Variants in TGM5 observed in about 807,000 individuals in gnomAD.
TGM5 encodes transglutaminase 5, also known as protein-glutamine gamma-glutamyltransferase 5.
TGM5 carries 69 observed loss-of-function variants against 77.2 expected under a neutral mutation model. That is an observed-to-expected ratio of 0.89 (90% CI 0.74 to 1.09). TGM5 has a LOEUF of 1.09. Among genes scored for constraint, TGM5 ranks in the 50% least tolerant of loss-of-function variants. TGM5 has a pLI of 0.00. For synonymous variants in TGM5, 346 were observed against 351.8 expected, an observed-to-expected ratio of 0.98 and a Z score of 0.18; for missense variants, 842 against 896.5, an observed-to-expected ratio of 0.94 and a Z score of 0.78.
At chr15:43,252,993 G>A (rs2042716724) in intron 5 of TGM5, 57 bp from the exon 6 acceptor site, 4 of 1,586,100 alleles carry the variant, frequency 2.5e-6, no homozygotes, top group Non-Finnish European at 3.4e-6. Context: ...AACATGCCAT[G>A]TGTGGGCTGC....
intron 3 of TGM5, among the ~76,000 whole-genome samples, chr15:43,257,265 A>G (rs1206894054): frequency 3.9e-5 from 6 of 152,230 alleles, no homozygotes; most frequent in Admixed American, 3.9e-4. Context: ...GAGTAGTTAG[A>G]TAGCTTCAAT....
chr15:43,264,069 A>G (rs1375712490), intron 1 of TGM5, among the ~76,000 whole-genome samples: 1 of 152,228 alleles, frequency 6.6e-6, no homozygotes, highest in African/African-American at 2.4e-5. Flanking sequence ...AAGATGCTCA[A>G]CATCATTAGT....
intron 6 of TGM5, among the ~76,000 whole-genome samples, chr15:43,248,963 G>A (rs569583804): frequency 5.9e-5 from 9 of 152,326 alleles, no homozygotes; most frequent in African/African-American, 1.9e-4. Context: ...AGGATTTGAT[G>A]TATAAAAGAC....
intron 3 of TGM5, among the ~76,000 whole-genome samples, chr15:43,257,444 G>C (rs891188141): frequency 2.0e-5 from 3 of 152,176 alleles, no homozygotes; most frequent in East Asian, 1.9e-4. Flanking sequence ...ATGAACAGAG[G>C]GTTTTGAAGC....
At chr15:43,256,841 C>T (rs758308902) in intron 3 of TGM5, among the ~76,000 whole-genome samples, 155 bp from the exon 4 acceptor site, 2 of 151,966 alleles carry the variant, frequency 1.3e-5, no homozygotes, top group Non-Finnish European at 2.9e-5. Flanking sequence ...GGAGTCCATG[C>T]TCCCAACACC....
At position 43,239,313 on chromosome 15, in the gene TGM5, T is replaced by C. The variant is rs750402546; in HGVS notation, c.1002-47A>G. The C allele has an allele frequency of 7.0e-6, 11 of 1,580,638 alleles. No individual in the cohort carries two copies. The Admixed American group carries it at 1.8e-4, about 26-fold the overall frequency. On this transcript the variant is annotated intron_variant, in intron 7 of 12. Transcript: ENST00000220420. ...GAGACGTTGTACTGCTTGGTCTTTC[T>C]AGAACAAGGCAAGGGAGGGATGAGC...
chr15:43,242,554 T>A (rs1466408964), intron 6 of TGM5, among the ~76,000 whole-genome samples: 1 of 152,214 alleles, frequency 6.6e-6, no homozygotes, highest in Non-Finnish European at 1.5e-5. Context: ...TCTTAAAAGT[T>A]TATAATTTTT....
chr15:43,261,097 T>TTTTTTTTTTTTTTTG, intron 1 of TGM5, among the ~76,000 whole-genome samples: 1 of 97,460 alleles, frequency 1.0e-5, no homozygotes, highest in African/African-American at 5.1e-5. Flanking sequence ...TTTTTTTTTT[T>TTTTTTTTTTTTTTTG]TTTTTTTTTT....
chr15:43,260,332 G>A (rs1459394222), intron 2 of TGM5, 35 bp from the exon 3 acceptor site: 2 of 1,614,062 alleles, frequency 1.2e-6, no homozygotes, highest in South Asian at 1.1e-5. Flanking sequence ...CCTCCATGGC[G>A]ACCTCCAAAC....
chr15:43,258,580 T>C (rs1420344975), intron 3 of TGM5, among the ~76,000 whole-genome samples: 1 of 152,108 alleles, frequency 6.6e-6, no homozygotes, highest in Non-Finnish European at 1.5e-5. Context: ...GTTGCTGAGA[T>C]GTATTTTATT....
At chr15:43,240,065 G>T (rs1346505615) in intron 7 of TGM5, among the ~76,000 whole-genome samples, 1 of 152,144 alleles carries the variant, frequency 6.6e-6, no homozygotes, top group African/African-American at 2.4e-5. Context: ...AGGTGGGAAG[G>T]TCATGGAAAC....
intron 1 of TGM5, 144 bp from the exon 2 acceptor site, chr15:43,260,723 G>A (rs1410660742): frequency 1.2e-6 from 1 of 861,442 alleles, no homozygotes. Context: ...CATAAGATCA[G>A]CCTGCCAGGA....
At position 43,260,299 on chromosome 15, in the gene TGM5, T is replaced by C. The variant is rs891985871; in HGVS notation, c.191-2A>G. 1.9e-6 allele frequency: 3 copies of C among 1,613,922 alleles called. No homozygotes were observed. The African/African-American group carries it at 4.0e-5, about 22-fold the overall frequency. On this transcript the variant is annotated splice_acceptor_variant, in intron 2 of 12. Transcript: ENST00000220420. LOFTEE classifies it high-confidence loss of function. ...CCAAGGCCAGGTCTGGCAGCGGTCC[T>C]AGGAGGGAAGTAGAGCTGAGGCCCT...
chr15:43,237,828 AT>A (rs1211070178), intron 9 of TGM5, among the ~76,000 whole-genome samples: 2 of 152,234 alleles, frequency 1.3e-5, no homozygotes, highest in Admixed American at 1.3e-4. Flanking sequence ...GTACTCTTAC[AT>A]CCACTTCCTT....
At chr15:43,254,274 G>T (rs76046277) in intron 4 of TGM5, among the ~76,000 whole-genome samples, 2 of 152,120 alleles carry the variant, frequency 1.3e-5, no homozygotes, top group Admixed American at 6.5e-5. Flanking sequence ...ACTCAGTTAC[G>T]TGATGTAGTC....
chr15:43,260,033 C>T lies in TGM5; in HGVS notation c.436+19G>A. Reference sequence around the variant, plus strand: ...TGACAGAAGAGAAAGGAGGGCACCGCCTGGGCACCCAGCCTTACCTGGGCA... The same window carrying T: ...TGACAGAAGAGAAAGGAGGGCACCGTCTGGGCACCCAGCCTTACCTGGGCA... On this transcript the variant is annotated intron_variant, in intron 3 of 12. Coordinates refer to ENST00000220420, the MANE Select transcript of TGM5 (RefSeq NM_201631.4). 1 of 1,612,810 alleles carries T rather than the reference C, an allele frequency of 6.2e-7. No individual in the cohort carries two copies.
chr15:43,264,485 T>C (rs2042811866), intron 1 of TGM5, among the ~76,000 whole-genome samples: 1 of 151,908 alleles, frequency 6.6e-6, no homozygotes. Flanking sequence ...ACCTTGAAAA[T>C]ATTGTGCTAA....
At chr15:43,254,717 T>C (rs1388045923) in intron 4 of TGM5, among the ~76,000 whole-genome samples, 2 of 152,144 alleles carry the variant, frequency 1.3e-5, no homozygotes, top group African/African-American at 4.8e-5. Flanking sequence ...TTTCCCACCC[T>C]CGTGTCTTTG....
chr15:43,236,968 CAAAA>C (rs1015479664), intron 9 of TGM5, among the ~76,000 whole-genome samples: 2 of 61,260 alleles, frequency 3.3e-5, no homozygotes. Context: ...GACTCTGTCT[CAAAA>C]AAAAAAAAAA....
Sources: gnomAD v4.1 joint callset for allele counts (sites outside exome capture counted in the v4.1 genomes callset) on GRCh38, gnomAD v4.1.1 for gene constraint, MANE v1.5 for transcripts, NCBI Gene and HGNC (gene_info 2026-07-23, HGNC 2026-07-21) for gene names.